Variants in BMPR2 observed in about 807,000 individuals in gnomAD.
BMPR2 encodes bone morphogenetic protein receptor type-2.
Under a neutral mutation model 100.8 loss-of-function variants are expected in BMPR2, and 29 were observed. That is an observed-to-expected ratio of 0.29 (90% confidence interval 0.21 to 0.39). BMPR2 has a LOEUF of 0.39. Among genes scored for constraint, BMPR2 ranks in the 10% least tolerant of loss-of-function variants. BMPR2 has a pLI of 1.00. For missense variants in BMPR2, 1,011 were observed against 1,274.5 expected (o/e 0.79, Z 3.15); for synonymous variants, 382 against 442.3 (o/e 0.86, Z 1.71).
rs568460169 is a variant in BMPR2, at chr2:202,532,796, C to G, written c.1276+64C>G. ...AAGCAGTTATATCTTCTTTCTCTAC[C>G]TATAGTACCTAACTCAACTTTTATG... is the stretch of plus-strand genomic sequence containing the variant. On this transcript the variant is annotated intron_variant, in intron 9 of 12. Coordinates refer to ENST00000374580, the MANE Select transcript of BMPR2 (RefSeq NM_001204.7). This position sits in a 1 kb window ranked among gnomAD's most constrained non-coding sequence, Gnocchi z 4.1. 3.3e-6 allele frequency: 5 copies of G among 1,524,910 alleles called. No homozygotes were observed. The Admixed American group carries it at 8.5e-5, about 26-fold the overall frequency. 94.5% of individuals were successfully genotyped at this position (1,524,910 alleles called of 1,614,324 possible). A position where few individuals can be genotyped will look rare whatever the true frequency, so the allele number is the denominator to read the frequency against.
intron 1 of BMPR2, 69 bp from the exon 2 acceptor site, chr2:202,464,740 G>T: frequency 7.0e-7 from 1 of 1,421,232 alleles, no homozygotes; most frequent in South Asian, 1.4e-5. Context: ...ATTCGGATAA[G>T]ACAAAGATTT....
chr2:202,405,600 A>G (rs1690872714), intron 1 of BMPR2, among the ~76,000 whole-genome samples: 1 of 149,490 alleles, frequency 6.7e-6, no homozygotes, highest in Non-Finnish European at 1.5e-5. Flanking sequence ...AGGCAGGAGA[A>G]GGGCATGAAC....
In BMPR2 at chr2:202,530,951, C is replaced by T. The variant is rs1379155269; in HGVS notation, c.1125C>T (p.Ser375=). 8 of 1,613,688 alleles carry T rather than the reference C, an allele frequency of 5.0e-6. No individual in the cohort carries two copies. Among genetic ancestry groups the T allele is most frequent in the East Asian group, 4.5e-5 (2 of 44,882 alleles). ...GGGAGGAAGATAATGCAGCCATAAG[C>T]GAGGTGAGTGTATACAAAAGGTATC... The part of the protein sequence containing the change: ...RPGEEDNAAI[S]EVGTIRYMAP... Residue 375 remains serine, a synonymous_variant, in exon 8 of 13, where the codon AGC becomes AGT. Coordinates refer to ENST00000374580, the MANE Select transcript of BMPR2 (RefSeq NM_001204.7).
At chr2:202,478,248 C>T (rs1692588441) in intron 3 of BMPR2, among the ~76,000 whole-genome samples, 1 of 152,140 alleles carries the variant, frequency 6.6e-6, no homozygotes, top group South Asian at 2.1e-4. Flanking sequence ...AACAAGAAGG[C>T]TGTGATACAC....
intron 10 of BMPR2, among the ~76,000 whole-genome samples, chr2:202,548,140 T>C (rs1688408912): frequency 6.6e-6 from 1 of 152,128 alleles, no homozygotes; most frequent in Non-Finnish European, 1.5e-5. Context: ...CTGGTCTTTT[T>C]AAGAAATATA....
chr2:202,386,287 A>G (rs983343473), intron 1 of BMPR2, among the ~76,000 whole-genome samples: 14 of 152,158 alleles, frequency 9.2e-5, no homozygotes, highest in African/African-American at 3.1e-4. Context: ...TGTCGTATCT[A>G]CTTGGATGTC....
chr2:202,546,800 C>T (rs1290771480), intron 10 of BMPR2, among the ~76,000 whole-genome samples: 2 of 152,136 alleles, frequency 1.3e-5, no homozygotes, highest in Non-Finnish European at 1.5e-5. Flanking sequence ...GATGGGGTTT[C>T]ACCATATTGG....
intron 10 of BMPR2, among the ~76,000 whole-genome samples, chr2:202,547,484 A>G (rs1327477428): frequency 2.0e-5 from 3 of 152,202 alleles, no homozygotes; most frequent in Non-Finnish European, 2.9e-5. Flanking sequence ...ATATTTTCAC[A>G]TAAAAGGTGG....
At chr2:202,388,457 G>C (rs1024086981) in intron 1 of BMPR2, among the ~76,000 whole-genome samples, 1 of 143,434 alleles carries the variant, frequency 7.0e-6, no homozygotes, top group African/African-American at 2.6e-5. Flanking sequence ...GTAAGAAATT[G>C]AGTTATTCTG....
chr2:202,439,381 T>C (rs1486993569), intron 1 of BMPR2, among the ~76,000 whole-genome samples: 1 of 147,624 alleles, frequency 6.8e-6, no homozygotes, highest in East Asian at 2.0e-4. Flanking sequence ...TTTGCTTATA[T>C]ACAAGCAAAT....
At chr2:202,379,838 T>TTTTCTTTC (rs3044179) in intron 1 of BMPR2, among the ~76,000 whole-genome samples, 12,128 of 150,390 alleles carry the variant, frequency 0.081, 651 homozygotes, top group Non-Finnish European at 0.1. Flanking sequence ...TCTTAGAACA[T>TTTTCTTTC]TTTCTTTCTT....
intron 1 of BMPR2, among the ~76,000 whole-genome samples, chr2:202,391,133 C>A (rs927233185): frequency 6.6e-6 from 1 of 151,368 alleles, no homozygotes; most frequent in Non-Finnish European, 1.5e-5. Flanking sequence ...TGTGCCACCA[C>A]CCCCAGCTAA....
intron 1 of BMPR2, among the ~76,000 whole-genome samples, chr2:202,433,632 G>A (rs565042397): frequency 6.6e-6 from 1 of 150,578 alleles, no homozygotes; most frequent in East Asian, 1.9e-4. Context: ...AGGACAGGCC[G>A]GGCATGATGG....
chr2:202,547,852 G>A lies in BMPR2; in HGVS notation c.1414-4864G>A, dbSNP rs542936631. Among the ~76,000 whole-genome samples, 9 of 151,470 alleles carry A rather than the reference G, an allele frequency of 5.9e-5. No homozygotes were observed. The East Asian group carries it at 1.6e-3, about 26-fold the overall frequency. On this transcript the variant is annotated intron_variant, in intron 10 of 12. Transcript: ENST00000374580. ...TAATCCCAGCACTTTGGGAGGCCGAGGTGGGTGGATTGCTTGAGATCAGGA... is the reference window on the plus strand; with the variant it reads ...TAATCCCAGCACTTTGGGAGGCCGAAGTGGGTGGATTGCTTGAGATCAGGA...
chr2:202,513,347 G>C (rs1687657084), intron 3 of BMPR2, among the ~76,000 whole-genome samples: 6 of 152,036 alleles, frequency 3.9e-5, no homozygotes, highest in South Asian at 2.1e-4. Context: ...GAAATACAGA[G>C]TACTATTTTT....
At chr2:202,462,185 ATTC>A (rs1692236778) in intron 1 of BMPR2, among the ~76,000 whole-genome samples, 1 of 151,476 alleles carries the variant, frequency 6.6e-6, no homozygotes. Context: ...ACATTTCCAA[ATTC>A]TTCTCCCTTG....
intron 7 of BMPR2, among the ~76,000 whole-genome samples, chr2:202,522,852 C>G (rs1394821705): frequency 6.6e-6 from 1 of 152,008 alleles, no homozygotes; most frequent in African/African-American, 2.4e-5. Flanking sequence ...AAAATGAATT[C>G]CTTTTCATAC....
At chr2:202,442,025 CTT>C (rs1385622625) in intron 1 of BMPR2, among the ~76,000 whole-genome samples, 1 of 148,534 alleles carries the variant, frequency 6.7e-6, no homozygotes, top group African/African-American at 2.6e-5. Context: ...AAGAGCGAGA[CTT>C]TGTCTCTCAA....
In BMPR2 at chr2:202,559,791, A is replaced by C. The variant is rs746991838; in HGVS notation, c.2962A>C (p.Thr988Pro). ...PYSLKRWRPS[T>P]WVISTESLDC... is the part of the protein sequence containing the mutation. ...TTCTCTTAAGCGGTGGCGCCCCTCC[A>C]CCTGGGTCATCTCCACTGAATCGCT... Residue 988 changes from threonine (T) to proline (P), a missense_variant, in exon 13 of 13, where the codon ACC becomes CCC. Thr to Pro is a conservative substitution (Grantham distance 38). Transcript: ENST00000374580. 3.7e-6 allele frequency: 6 copies of C among 1,613,970 alleles called. No homozygotes were observed. The highest frequency in any genetic ancestry group is 5.1e-6 in the Non-Finnish European group (6 of 1,180,036).
Sources: gnomAD v4.1 joint callset for allele counts (sites outside exome capture counted in the v4.1 genomes callset) on GRCh38, gnomAD v4.1.1 for gene constraint, Gnocchi (gnomAD v3.1) non-coding constraint, MANE v1.5 for transcripts, NCBI Gene and HGNC (gene_info 2026-07-23, HGNC 2026-07-21) for gene names.